Variants in ENOX1 observed in about 807,000 individuals in gnomAD.
The protein encoded by ENOX1 is candidate growth-related and time keeping constitutive hydroquinone (NADH) oxidase.
Under a neutral mutation model 82.5 loss-of-function variants are expected in ENOX1, and 42 were observed. That is an observed-to-expected ratio of 0.51 (90% CI 0.40 to 0.66). The LOEUF (loss-of-function observed/expected upper bound fraction) is 0.66, where lower values mean the gene tolerates loss of function less well. Among genes scored for constraint, ENOX1 ranks in the 30% least tolerant of loss-of-function variants. ENOX1 has a pLI of 0.00. For synonymous variants in ENOX1, 271 were observed against 282.2 expected (o/e 0.96, Z 0.40); for missense variants, 608 against 811.6 (o/e 0.75, Z 3.05).
chr13:43,756,328 G>T (rs1474283743), intron 1 of ENOX1, among the ~76,000 whole-genome samples: 1 of 151,978 alleles, frequency 6.6e-6, no homozygotes, highest in African/African-American at 2.4e-5. Context: ...TCCTCAGGAG[G>T]CTGAGGTGGG....
At chr13:43,395,684 GC>G (rs2053097339) in intron 5 of ENOX1, among the ~76,000 whole-genome samples, 2 of 152,092 alleles carry the variant, frequency 1.3e-5, no homozygotes, top group Admixed American at 1.3e-4. Context: ...CGTTATTTTT[GC>G]CCCAATGTTG....
intron 2 of ENOX1, among the ~76,000 whole-genome samples, chr13:43,530,496 C>T (rs1455551626): frequency 2.0e-5 from 3 of 152,056 alleles, no homozygotes; most frequent in Non-Finnish European, 4.4e-5. Context: ...AGAATGCCAA[C>T]AAGCAGAACT....
intron 2 of ENOX1, among the ~76,000 whole-genome samples, chr13:43,627,189 T>G (rs2153749223): frequency 6.6e-6 from 1 of 152,184 alleles, no homozygotes; most frequent in South Asian, 2.1e-4. Flanking sequence ...CTGATGTTTC[T>G]TGTAGATAGC....
chr13:43,366,060 C>G (rs1238330360), intron 5 of ENOX1, among the ~76,000 whole-genome samples: 6 of 152,210 alleles, frequency 3.9e-5, no homozygotes, highest in Non-Finnish European at 5.9e-5. Context: ...AGTGGAGAAA[C>G]TTTTTCAGAA....
intron 12 of ENOX1, among the ~76,000 whole-genome samples, chr13:43,284,539 T>C (rs1451598725): frequency 2.0e-5 from 3 of 152,108 alleles, no homozygotes; most frequent in Non-Finnish European, 4.4e-5. Context: ...GTGGAGGGCA[T>C]AAAAAATAGA....
intron 2 of ENOX1, among the ~76,000 whole-genome samples, chr13:43,518,976 G>A (rs1277119873): frequency 6.6e-6 from 1 of 152,082 alleles, no homozygotes; most frequent in Non-Finnish European, 1.5e-5. Flanking sequence ...AGTGATTCCA[G>A]GAAGTACATG....
chr13:43,224,552 A>G (rs1593417029), intron 15 of ENOX1, among the ~76,000 whole-genome samples: 1 of 152,232 alleles, frequency 6.6e-6, no homozygotes, highest in Non-Finnish European at 1.5e-5. Flanking sequence ...GTCAGAAATC[A>G]CACTGCCTCA....
chr13:43,242,104 CT>C (rs906781325), intron 14 of ENOX1, among the ~76,000 whole-genome samples: 4 of 152,202 alleles, frequency 2.6e-5, no homozygotes, highest in Non-Finnish European at 5.9e-5. Context: ...GAAATCTCAG[CT>C]TTTTCATCAG....
chr13:43,639,981 A>C (rs2153765066), intron 2 of ENOX1, among the ~76,000 whole-genome samples: 1 of 152,306 alleles, frequency 6.6e-6, no homozygotes, highest in East Asian at 1.9e-4. Flanking sequence ...ATGAGCTGAG[A>C]TCGCATCACT....
At chr13:43,774,364 G>T (rs73189989) in intron 1 of ENOX1, among the ~76,000 whole-genome samples, 5,119 of 152,236 alleles carry the variant, frequency 0.034, 205 homozygotes, top group East Asian at 0.22. Context: ...GACTTAGTCG[G>T]TTCTGAGAGA....
chr13:43,345,602 G>C (rs1233922366), intron 8 of ENOX1, among the ~76,000 whole-genome samples: 2 of 152,162 alleles, frequency 1.3e-5, no homozygotes, highest in Non-Finnish European at 2.9e-5. Context: ...TGGAGGTGGA[G>C]AAAAAGAAAG....
At chr13:43,755,689 T>G (rs1950608884) in intron 1 of ENOX1, among the ~76,000 whole-genome samples, 1 of 152,180 alleles carries the variant, frequency 6.6e-6, no homozygotes, top group Non-Finnish European at 1.5e-5. Flanking sequence ...TCCCACACTT[T>G]TCTCCTCTGT....
At chr13:43,672,285 C>T in intron 1 of ENOX1, among the ~76,000 whole-genome samples, 1 of 152,266 alleles carries the variant, frequency 6.6e-6, no homozygotes, top group African/African-American at 2.4e-5. Context: ...TTTGTAAAAA[C>T]TTTAGTTAAG....
chr13:43,228,095 C>CTTT (rs551861545), intron 15 of ENOX1, among the ~76,000 whole-genome samples: 1,178 of 84,716 alleles, frequency 0.014, 93 homozygotes, highest in African/African-American at 0.037. Context: ...CTCTTTGCAG[C>CTTT]TTTTTTTTTT....
chr13:43,402,622 A>C (rs2053561617), intron 5 of ENOX1, among the ~76,000 whole-genome samples: 1 of 152,218 alleles, frequency 6.6e-6, no homozygotes, highest in South Asian at 2.1e-4. Flanking sequence ...GTAAACTAGA[A>C]GGCAGGCTGC....
In ENOX1 at chr13:43,331,175, G is replaced by A. The variant is rs553800393; in HGVS notation, c.1037-4650C>T. Reference sequence around the variant, plus strand: ...ACAAGACTCCTGAATTTCAAGCTCTGGGCAGGAATGCATGGGAGATGAAAG... The same window carrying A: ...ACAAGACTCCTGAATTTCAAGCTCTAGGCAGGAATGCATGGGAGATGAAAG... On this transcript the variant is annotated intron_variant, in intron 9 of 16. Coordinates refer to ENST00000690772, the MANE Select transcript of ENOX1 (RefSeq NM_001347969.2). Among the ~76,000 whole-genome samples the A allele has an allele frequency of 1.3e-3, 191 of 152,328 alleles. 2 individuals carry two copies. The South Asian group carries it at 0.018, about 14-fold the overall frequency.
At chr13:43,467,409 G>A (rs994972738) in intron 3 of ENOX1, among the ~76,000 whole-genome samples, 3 of 152,118 alleles carry the variant, frequency 2.0e-5, no homozygotes, top group Non-Finnish European at 2.9e-5. Context: ...GTGGTACCAC[G>A]TTGTGGTTTT....
At chr13:43,354,736 G>T (rs2050042044) in intron 8 of ENOX1, among the ~76,000 whole-genome samples, 1 of 152,138 alleles carries the variant, frequency 6.6e-6, no homozygotes, top group Non-Finnish European at 1.5e-5. Context: ...GGCCCAGACT[G>T]CCATTCCAGC....
chr13:43,390,946 C>T (rs1198157988), intron 5 of ENOX1, among the ~76,000 whole-genome samples: 1 of 152,178 alleles, frequency 6.6e-6, no homozygotes, highest in Non-Finnish European at 1.5e-5. Flanking sequence ...AAGGCACTGG[C>T]TACTACGAAT....
Sources: gnomAD v4.1 joint callset for allele counts (sites outside exome capture counted in the v4.1 genomes callset) on GRCh38, gnomAD v4.1.1 for gene constraint, MANE v1.5 for transcripts, NCBI Gene and HGNC (gene_info 2026-07-23, HGNC 2026-07-21) for gene names.